SLC35F3: variants seen among roughly 807,000 people sequenced by gnomAD.
SLC35F3 encodes solute carrier family 35 member F3, also known as putative thiamine transporter SLC35F3.
SLC35F3 carries 25 observed loss-of-function variants against 49.9 expected under a neutral mutation model. The observed-to-expected ratio is 0.50, with a 90% CI of 0.37 to 0.70. SLC35F3 has a LOEUF of 0.70. Ranked by LOEUF, SLC35F3 falls within the 30% of genes least tolerant of loss-of-function variation. SLC35F3 has a pLI of 0.00. For synonymous variants in SLC35F3, 275 were observed against 265.4 expected (o/e 1.04, Z -0.35); for missense variants, 525 against 639.8 (o/e 0.82, Z 1.94).
intron 2 of SLC35F3, among the ~76,000 whole-genome samples, chr1:234,196,043 T>G (rs891575214): frequency 6.6e-6 from 1 of 152,056 alleles, no homozygotes; most frequent in Non-Finnish European, 1.5e-5. Flanking sequence ...AGTGTGGAAA[T>G]GGACTAATAC....
chr1:234,222,675 C>T (rs915036665), intron 2 of SLC35F3, among the ~76,000 whole-genome samples: 1 of 152,206 alleles, frequency 6.6e-6, no homozygotes, highest in Non-Finnish European at 1.5e-5. Context: ...AGTGTCTTTG[C>T]CTGGAGGTAC....
chr1:234,150,543 T>G (rs1666061240), intron 2 of SLC35F3, among the ~76,000 whole-genome samples: 1 of 152,198 alleles, frequency 6.6e-6, no homozygotes, highest in Admixed American at 6.5e-5. Context: ...TTTCATCCCT[T>G]ATCTTACCTC....
chr1:233,954,718 T>C (rs185182322), intron 2 of SLC35F3, among the ~76,000 whole-genome samples: 47 of 152,308 alleles, frequency 3.1e-4, no homozygotes, highest in African/African-American at 1.1e-3. Context: ...ACAGACATGG[T>C]ACTGTAGCCT....
At chr1:233,973,910 G>A (rs1663033675) in intron 2 of SLC35F3, among the ~76,000 whole-genome samples, 2 of 152,100 alleles carry the variant, frequency 1.3e-5, no homozygotes, top group African/African-American at 4.8e-5. Context: ...CTAGTCAGAA[G>A]TCTGATTACA....
chr1:234,272,986 A>G (rs1031831885), intron 3 of SLC35F3, among the ~76,000 whole-genome samples: 11 of 152,148 alleles, frequency 7.2e-5, no homozygotes, highest in Non-Finnish European at 7.4e-5. Flanking sequence ...ATGAGGCTAC[A>G]TGAACTGCCT....
chr1:234,302,518 A>G (rs1281034042), intron 3 of SLC35F3, among the ~76,000 whole-genome samples: 2 of 152,178 alleles, frequency 1.3e-5, no homozygotes, highest in Non-Finnish European at 2.9e-5. Flanking sequence ...GCTATGAAAA[A>G]GGGGAACAGA....
intron 2 of SLC35F3, among the ~76,000 whole-genome samples, chr1:233,964,865 T>C (rs988080109): frequency 1.3e-5 from 2 of 152,194 alleles, no homozygotes; most frequent in African/African-American, 4.8e-5. Flanking sequence ...CTGCTGTGAT[T>C]GAGAATTCAG....
chr1:234,184,164 T>A (rs181113489), intron 2 of SLC35F3, among the ~76,000 whole-genome samples: 6 of 151,966 alleles, frequency 3.9e-5, no homozygotes, highest in Admixed American at 6.5e-5. Context: ...AAAACCTAAA[T>A]GCACATGTTG....
At chr1:234,309,015 T>TAAAAA (rs11359233) in intron 3 of SLC35F3, 86 bp from the exon 4 acceptor site, 24,749 of 945,596 alleles carry the variant, frequency 0.026, 84 homozygotes, top group Middle Eastern at 0.038. Context: ...TATATTTGCT[T>TAAAAA]AAAAAAAAAA....
At chr1:234,287,975 C>A (rs112290570) in intron 3 of SLC35F3, among the ~76,000 whole-genome samples, 2 of 152,122 alleles carry the variant, frequency 1.3e-5, no homozygotes, top group Admixed American at 1.3e-4. Flanking sequence ...TAACCTTGAA[C>A]GCCTGAGCTC....
chr1:234,111,536 G>A (rs542309397), intron 2 of SLC35F3, among the ~76,000 whole-genome samples: 14 of 152,238 alleles, frequency 9.2e-5, no homozygotes, highest in South Asian at 2.1e-4. Context: ...CAGGTCATCC[G>A]CCCGCCTCGG....
intron 2 of SLC35F3, among the ~76,000 whole-genome samples, chr1:234,074,404 G>A (rs1212569774): frequency 6.6e-6 from 1 of 152,178 alleles, no homozygotes; most frequent in Non-Finnish European, 1.5e-5. Flanking sequence ...AGTATAAGAG[G>A]CAACTAGCAA....
chr1:234,103,213 G>A (rs564502813), intron 2 of SLC35F3, among the ~76,000 whole-genome samples: 1 of 152,138 alleles, frequency 6.6e-6, no homozygotes, highest in African/African-American at 2.4e-5. Flanking sequence ...GCTATGAAAA[G>A]GTGACTAACA....
intron 2 of SLC35F3, among the ~76,000 whole-genome samples, chr1:234,118,153 G>A (rs1321856437): frequency 3.3e-5 from 5 of 151,920 alleles, no homozygotes; most frequent in Non-Finnish European, 5.9e-5. Context: ...CAAAATAATA[G>A]CAATTCCAAG....
At chr1:234,255,524 A>G (rs1363094606) in intron 3 of SLC35F3, among the ~76,000 whole-genome samples, 1 of 152,234 alleles carries the variant, frequency 6.6e-6, no homozygotes, top group Admixed American at 6.5e-5. Flanking sequence ...TGAGCTGAAA[A>G]CTTATATCCA....
At chr1:234,261,329 G>T (rs1667900962) in intron 3 of SLC35F3, among the ~76,000 whole-genome samples, 1 of 152,228 alleles carries the variant, frequency 6.6e-6, no homozygotes, top group Non-Finnish European at 1.5e-5. Context: ...TAAACAAGGG[G>T]TGGTTTATTT....
In SLC35F3 at chr1:234,190,334, A is replaced by T. The variant is rs185231711; in HGVS notation, c.284-41083A>T. ...GCTACCTTTAAGAGACTCACCTAAC[A>T]CATAAGGACTCACATAAACTTAAGG... On this transcript the variant is annotated intron_variant, in intron 2 of 7. Coordinates refer to ENST00000366618, the MANE Select transcript of SLC35F3 (RefSeq NM_173508.4). Among the ~76,000 whole-genome samples the T allele has an allele frequency of 2.6e-5, 4 of 152,330 alleles. No homozygotes were observed. The East Asian group carries it at 7.7e-4, about 29-fold the overall frequency.
At position 234,035,639 on chromosome 1, in the gene SLC35F3, C is replaced by T. The variant is rs2102850474; in HGVS notation, c.283+129881C>T. ...CTAATTATCTTTGCTTTTCTGTTTC[C>T]TTCTGTTTCCTACCTCTTTGTGCTT... On this transcript the variant is annotated intron_variant, in intron 2 of 7. Transcript: ENST00000366618. 1.3e-5 allele frequency among the ~76,000 whole-genome samples: 2 copies of T among 152,180 alleles called. 1 individual carries two copies. The highest frequency in any genetic ancestry group is 6.8e-3 in the Middle Eastern group (2 of 294).
chr1:234,184,799 A>G (rs1353780063), intron 2 of SLC35F3, among the ~76,000 whole-genome samples: 2 of 152,344 alleles, frequency 1.3e-5, no homozygotes, highest in African/African-American at 2.4e-5. Context: ...CACACACGTG[A>G]CATTGTCCTA....
Sources: allele counts gnomAD v4.1 joint callset (sites outside exome capture counted in the v4.1 genomes callset), GRCh38; gene constraint gnomAD v4.1.1; transcripts MANE v1.5; gene names NCBI Gene and HGNC (gene_info 2026-07-23, HGNC 2026-07-21).